Variants in ANO6 observed in about 807,000 individuals in gnomAD.
The protein encoded by ANO6 is anoctamin-6.
In ANO6, 106 loss-of-function variants were observed where a neutral mutation model predicts 117.5. The ratio of observed to expected loss-of-function variants is 0.90; its 90% CI spans 0.77 to 1.06. The LOEUF is 1.06. Among genes scored for constraint, ANO6 ranks in the 50% least tolerant of loss-of-function variants. The pLI is 0.00. For synonymous variants in ANO6, 367 were observed against 385.1 expected (o/e 0.95, Z 0.55); for missense variants, 955 against 1,121.1 (o/e 0.85, Z 2.12).
intron 2 of ANO6, among the ~76,000 whole-genome samples, chr12:45,305,688 A>G (rs762177167): frequency 4.6e-5 from 7 of 152,156 alleles, no homozygotes; most frequent in Non-Finnish European, 1.0e-4. Context: ...TCTTAAAAGT[A>G]GAGACTTCAG....
chr12:45,358,393 T>C (rs1290236755), intron 8 of ANO6, among the ~76,000 whole-genome samples: 1 of 152,092 alleles, frequency 6.6e-6, no homozygotes, highest in African/African-American at 2.4e-5. Flanking sequence ...TGAAAAAGAG[T>C]TTTGGGCCAA....
rs80210571 is a variant in ANO6, at chr12:45,296,797, C to T, written c.71-5217C>T. 7.7e-3 allele frequency among the ~76,000 whole-genome samples: 1,167 copies of T among 152,208 alleles called. 14 individuals carry two copies. Among genetic ancestry groups the T allele is most frequent in the African/African-American group, 0.027 (1,126 of 41,520 alleles). Reference sequence around the variant, plus strand: ...GCAGCCAATAACCTTAATTATTCTTCATCTGTGAAAACGAGGGACAAAAAT... The same window carrying T: ...GCAGCCAATAACCTTAATTATTCTTTATCTGTGAAAACGAGGGACAAAAAT... On this transcript the variant is annotated intron_variant, in intron 1 of 19. Transcript: ENST00000320560.
At chr12:45,400,782 A>T (rs959806155) in intron 12 of ANO6, among the ~76,000 whole-genome samples, 3 of 152,170 alleles carry the variant, frequency 2.0e-5, no homozygotes, top group Admixed American at 2.0e-4. Context: ...CTCTGTTACT[A>T]TCAACAACAA....
intron 10 of ANO6, among the ~76,000 whole-genome samples, chr12:45,380,790 T>C (rs1942149064): frequency 6.6e-6 from 1 of 152,106 alleles, no homozygotes; most frequent in Non-Finnish European, 1.5e-5. Context: ...CTGGCCAACA[T>C]GGTGAAACCT....
intron 1 of ANO6, among the ~76,000 whole-genome samples, chr12:45,275,549 A>G (rs1187716151): frequency 6.6e-6 from 1 of 152,198 alleles, no homozygotes; most frequent in Non-Finnish European, 1.5e-5. Flanking sequence ...AATGTTGCCT[A>G]CATGTACTAC....
intron 10 of ANO6, among the ~76,000 whole-genome samples, chr12:45,385,704 C>T (rs1170948528): frequency 1.3e-5 from 2 of 152,184 alleles, no homozygotes; most frequent in African/African-American, 4.8e-5. Flanking sequence ...ATACTCACTT[C>T]ATTTCCCCTT....
chr12:45,315,167 C>T (rs912342480), intron 2 of ANO6, among the ~76,000 whole-genome samples: 1 of 152,084 alleles, frequency 6.6e-6, no homozygotes, highest in African/African-American at 2.4e-5. Flanking sequence ...TAGCCACTGA[C>T]CACACATGGG....
chr12:45,292,820 A>G lies in ANO6; in HGVS notation c.71-9194A>G, dbSNP rs1939146682. The G allele has an allele frequency of 3.9e-6, 6 of 1,520,074 alleles. No individual in the cohort carries two copies. In the South Asian group the frequency reaches 6.4e-5, roughly 16 times the overall value. The allele number at this position is 1,520,074 out of a possible 1,614,324, so 94.2% of individuals were successfully genotyped here. A position where few individuals can be genotyped will look rare whatever the true frequency, so the allele number is the denominator to read the frequency against. On this transcript the variant is annotated intron_variant, in intron 1 of 19. Transcript: ENST00000320560. Reference sequence around the variant, plus strand: ...TCAGAAATATTGCTGTTTGTGGATGATAGAAATCTTCAGAGTTGTCACTTA... The same window carrying G: ...TCAGAAATATTGCTGTTTGTGGATGGTAGAAATCTTCAGAGTTGTCACTTA...
intron 12 of ANO6, among the ~76,000 whole-genome samples, 176 bp downstream of exon 12, chr12:45,390,674 A>G (rs1453159146): frequency 6.6e-6 from 1 of 151,964 alleles, no homozygotes; most frequent in African/African-American, 2.4e-5. Flanking sequence ...ACATAGAGCA[A>G]CTCCCAAGGT....
chr12:45,285,225 A>C (rs573715310), intron 1 of ANO6, among the ~76,000 whole-genome samples: 15 of 152,232 alleles, frequency 9.9e-5, no homozygotes, highest in Non-Finnish European at 1.8e-4. Flanking sequence ...ATTTGAAGGC[A>C]GTGTTCCTGC....
intron 2 of ANO6, among the ~76,000 whole-genome samples, chr12:45,323,295 A>G (rs1224171333): frequency 6.6e-6 from 1 of 152,206 alleles, no homozygotes; most frequent in African/African-American, 2.4e-5. Flanking sequence ...AGAGAATTTC[A>G]ACAAATTCAG....
chr12:45,354,554 A>G (rs1360404301), intron 7 of ANO6, among the ~76,000 whole-genome samples: 2 of 152,148 alleles, frequency 1.3e-5, no homozygotes, highest in African/African-American at 2.4e-5. Flanking sequence ...TTGGAGAGTC[A>G]TCAGTCAAGG....
intron 7 of ANO6, among the ~76,000 whole-genome samples, chr12:45,353,960 G>T (rs1941347377): frequency 1.3e-5 from 2 of 152,092 alleles, no homozygotes; most frequent in South Asian, 4.1e-4. Context: ...ACTTATAAAG[G>T]GATAGAAAAG....
At chr12:45,244,937 G>T (rs1448014876) in intron 1 of ANO6, among the ~76,000 whole-genome samples, 1 of 152,188 alleles carries the variant, frequency 6.6e-6, no homozygotes. Flanking sequence ...GTGACAAAAA[G>T]GTTCAGCGGT....
chr12:45,360,728 T>C (rs1941533781), intron 8 of ANO6, among the ~76,000 whole-genome samples: 2 of 152,194 alleles, frequency 1.3e-5, no homozygotes, highest in Admixed American at 1.3e-4. Context: ...TCTAAGAGTT[T>C]TATGGATGTA....
intron 18 of ANO6, among the ~76,000 whole-genome samples, chr12:45,421,534 G>A (rs887160748): frequency 3.3e-5 from 5 of 152,072 alleles, no homozygotes; most frequent in African/African-American, 1.2e-4. Flanking sequence ...TTTCAGACCA[G>A]GGGTAAAACT....
At chr12:45,281,466 C>T (rs78905046) in intron 1 of ANO6, among the ~76,000 whole-genome samples, 2,641 of 152,260 alleles carry the variant, frequency 0.017, 55 homozygotes, top group East Asian at 0.085. Flanking sequence ...CTAGGAGGGC[C>T]TCAGGGAGCT....
At chr12:45,365,205 C>CT (rs1170937507) in intron 8 of ANO6, among the ~76,000 whole-genome samples, 3 of 152,050 alleles carry the variant, frequency 2.0e-5, no homozygotes, top group African/African-American at 2.4e-5. Flanking sequence ...TCTTCCTTAG[C>CT]TTTTTTTTCT....
At chr12:45,393,600 G>T (rs1942518288) in intron 12 of ANO6, among the ~76,000 whole-genome samples, 1 of 152,188 alleles carries the variant, frequency 6.6e-6, no homozygotes, top group Non-Finnish European at 1.5e-5. Flanking sequence ...AGAGAGAAAG[G>T]CCGAGTTACC....
Sources: allele counts gnomAD v4.1 joint callset (sites outside exome capture counted in the v4.1 genomes callset), GRCh38; gene constraint gnomAD v4.1.1; transcripts MANE v1.5; gene names NCBI Gene and HGNC (gene_info 2026-07-23, HGNC 2026-07-21).